Variants in HEXD observed in about 807,000 individuals in gnomAD.
HEXD encodes the protein N-acetyl-beta-galactosaminidase.
HEXD carries 47 observed loss-of-function variants against 54.2 expected under a neutral mutation model. The observed-to-expected ratio is 0.87, with a 90% CI of 0.69 to 1.11. The LOEUF is 1.11. Ranked by LOEUF, HEXD falls within the 50% of genes least tolerant of loss-of-function variation. HEXD has a pLI of 0.00. For synonymous variants in HEXD, 293 were observed against 287.6 expected (o/e 1.02, Z -0.19); for missense variants, 576 against 649.2 (o/e 0.89, Z 1.23).
At position 82,435,757 on chromosome 17, in the gene HEXD, G is replaced by T. The variant is rs1293987698; in HGVS notation, c.516G>T (p.Lys172Asn). The change falls in exon 6 of 13, where the codon AAG becomes AAT. Residue 172 changes from lysine to asparagine, a missense_variant. Coordinates refer to ENST00000327949, the MANE Select transcript of HEXD (RefSeq NM_001330542.2). Reference sequence around the variant, plus strand: ...AGCAAGAGCAGAACAGCACGGGGAAGTTGTGCCTGTCACACATGCGGGCGG... The same window carrying T: ...AGCAAGAGCAGAACAGCACGGGGAATTTGTGCCTGTCACACATGCGGGCGG... ...WLQQEQNSTG[K>N]LCLSHMRAVA... 2 of 1,613,014 alleles carry T rather than the reference G, an allele frequency of 1.2e-6. No individual in the cohort carries two copies. The highest frequency in any genetic ancestry group is 1.7e-6 in the Non-Finnish European group (2 of 1,179,912).
intron 2 of HEXD, among the ~76,000 whole-genome samples, chr17:82,421,096 G>A (rs547745156): frequency 6.6e-6 from 1 of 152,282 alleles, no homozygotes; most frequent in Non-Finnish European, 1.5e-5. Flanking sequence ...AGCCTCAAAA[G>A]TAAGTAAAGG....
At chr17:82,439,042 G>C (rs971350763) in intron 8 of HEXD, among the ~76,000 whole-genome samples, 1 of 152,262 alleles carries the variant, frequency 6.6e-6, no homozygotes, top group Admixed American at 6.5e-5. Flanking sequence ...ACTGAGGCAC[G>C]GGCAGGTGGA....
At chr17:82,435,085 C>CAGTG (rs1231785534) in intron 5 of HEXD, among the ~76,000 whole-genome samples, 1 of 152,098 alleles carries the variant, frequency 6.6e-6, no homozygotes, top group Non-Finnish European at 1.5e-5. Flanking sequence ...GTGGAGGTTG[C>CAGTG]AGTGAGCCGA....
chr17:82,430,357 C>T (rs1226208894), intron 4 of HEXD, among the ~76,000 whole-genome samples: 1 of 152,210 alleles, frequency 6.6e-6, no homozygotes, highest in Non-Finnish European at 1.5e-5. Context: ...GAGGAAGACC[C>T]TCCATGTGTA....
In HEXD at chr17:82,419,877, C is replaced by A. The variant is rs149948770; in HGVS notation, c.78C>A (p.Leu26=). 39 of 1,603,986 alleles carry A rather than the reference C, an allele frequency of 2.4e-5. No homozygotes were observed. In the Middle Eastern group the frequency reaches 5.0e-4, roughly 20 times the overall value. The change falls in exon 2 of 13, where the codon CTC becomes CTA. Residue 26 remains leucine (L), a synonymous_variant. Coordinates refer to ENST00000327949, the MANE Select transcript of HEXD (RefSeq NM_001330542.2). ...LKGAPPKVSY[L]SEIFPLFRAL... ...GAGCTCCACCAAAGGTCTCGTACCTCTCAGAGGTAAGGACTCCCTTTTACC... is the reference window on the plus strand; with the variant it reads ...GAGCTCCACCAAAGGTCTCGTACCTATCAGAGGTAAGGACTCCCTTTTACC...
At chr17:82,440,493 A>C in intron 9 of HEXD, 1 of 397,926 alleles carries the variant, frequency 2.5e-6, no homozygotes, top group Non-Finnish European at 4.2e-6. Flanking sequence ...CCACGGCCCC[A>C]TCCGCCACCC....
In HEXD at chr17:82,418,405, C is replaced by T. The variant is rs2053125825; in HGVS notation, c.-387C>T. On this transcript the variant is annotated 5_prime_UTR_variant, in exon 1 of 13. Coordinates refer to ENST00000327949, the MANE Select transcript of HEXD (RefSeq NM_001330542.2). ...GCAGCGCGCGCCCTTCCCCTCCTCACCGCTACCTGCTCCGGTTCCGGCGCT... is the reference window on the plus strand; with the variant it reads ...GCAGCGCGCGCCCTTCCCCTCCTCATCGCTACCTGCTCCGGTTCCGGCGCT... 2 of 1,477,788 alleles carry T rather than the reference C, an allele frequency of 1.4e-6. No homozygotes were observed. Among genetic ancestry groups the T allele is most frequent in the Admixed American group, 2.2e-5 (1 of 44,600 alleles). The allele number at this position is 1,477,788 out of a possible 1,614,324, so 91.5% of individuals were successfully genotyped here.
intron 8 of HEXD, among the ~76,000 whole-genome samples, chr17:82,437,979 G>T (rs1000780530): frequency 6.6e-6 from 1 of 152,164 alleles, no homozygotes; most frequent in Non-Finnish European, 1.5e-5. Flanking sequence ...GCTCATGCCT[G>T]TTATCCCAGC....
intron 8 of HEXD, among the ~76,000 whole-genome samples, chr17:82,439,257 G>A (rs1228634262): frequency 1.5e-4 from 23 of 152,194 alleles, no homozygotes; most frequent in Non-Finnish European, 2.9e-5. Flanking sequence ...GGAGGCCCTA[G>A]GAGGGGGGCG....
intron 1 of HEXD, 94 bp from the exon 2 acceptor site, chr17:82,419,655 C>G (rs1451712634): frequency 7.5e-6 from 4 of 532,348 alleles, no homozygotes; most frequent in Admixed American, 3.5e-5. Context: ...TCTATCAAAA[C>G]TGGCCAGTAT....
chr17:82,431,329 C>T (rs1336458751), intron 4 of HEXD, among the ~76,000 whole-genome samples: 1 of 151,762 alleles, frequency 6.6e-6, no homozygotes, highest in Non-Finnish European at 1.5e-5. Flanking sequence ...TTTTTTTGTT[C>T]ATTTTCCTTT....
At chr17:82,431,267 G>A (rs941756423) in intron 4 of HEXD, among the ~76,000 whole-genome samples, 1 of 152,062 alleles carries the variant, frequency 6.6e-6, no homozygotes, top group African/African-American at 2.4e-5. Context: ...GCCTCTCGGA[G>A]CGCTGGGATT....
rs1141463 is a variant in HEXD, at chr17:82,419,814, T to G, written c.15T>G (p.Thr5=). ...GAAATATTGAAATGTCAGGTTCCAC[T>G]CCATTTCAGATGAGATTAGTTCATT... The part of the protein sequence containing the change: MSGS[T]PFQMRLVHLD... Residue 5 remains threonine (T), a synonymous_variant, in exon 2 of 13, where the codon ACT becomes ACG. Coordinates refer to ENST00000327949, the MANE Select transcript of HEXD (RefSeq NM_001330542.2). The G allele has an allele frequency of 0.33, 522,376 of 1,601,768 alleles. 94,161 individuals carry two copies. Among genetic ancestry groups the G allele is most frequent in the East Asian group, 0.71 (31,877 of 44,724 alleles).
At position 82,441,780 on chromosome 17, in the gene HEXD, C is replaced by G; in HGVS notation, c.1164-20C>G. On this transcript the variant is annotated intron_variant, in intron 11 of 12. Transcript: ENST00000327949. ...CTGCCTTGGTAGCCCGCGGCACACC[C>G]CTATGTGGATTTGCCCCAGGTATGT... 6.2e-7 allele frequency: 1 copy of G among 1,609,006 alleles called. No individual in the cohort carries two copies. Among genetic ancestry groups the G allele is most frequent in the Non-Finnish European group, 8.5e-7 (1 of 1,176,218 alleles).
chr17:82,438,585 C>T (rs965608059), intron 8 of HEXD, among the ~76,000 whole-genome samples: 4 of 152,268 alleles, frequency 2.6e-5, no homozygotes, highest in African/African-American at 9.6e-5. Flanking sequence ...CCGGCCAAGT[C>T]CTGACCTTGG....
intron 2 of HEXD, among the ~76,000 whole-genome samples, chr17:82,422,890 C>G (rs1311083977): frequency 1.3e-5 from 2 of 152,054 alleles, no homozygotes; most frequent in Non-Finnish European, 2.9e-5. Flanking sequence ...AACCCTGTCT[C>G]TATTAAAAAT....
intron 2 of HEXD, among the ~76,000 whole-genome samples, chr17:82,421,766 C>T (rs927593150): frequency 1.3e-5 from 2 of 152,048 alleles, no homozygotes; most frequent in African/African-American, 4.8e-5. Flanking sequence ...GCAGAGGTTG[C>T]AGTGAGCCAA....
At chr17:82,428,702 G>C in intron 4 of HEXD, 57 bp downstream of exon 4, 3 of 1,473,368 alleles carry the variant, frequency 2.0e-6, no homozygotes, top group Non-Finnish European at 1.9e-6. Flanking sequence ...GGGGCTGCAG[G>C]CTGGGCCAGG....
chr17:82,419,961 G>T (rs984601120), intron 2 of HEXD, 78 bp downstream of exon 2: 6 of 853,828 alleles, frequency 7.0e-6, no homozygotes, highest in Admixed American at 6.8e-5. Context: ...AGTGTTCTGT[G>T]GAAACGGGTA....
Sources: allele counts gnomAD v4.1 joint callset (sites outside exome capture counted in the v4.1 genomes callset), GRCh38; gene constraint gnomAD v4.1.1; transcripts MANE v1.5; gene names NCBI Gene and HGNC (gene_info 2026-07-23, HGNC 2026-07-21).